C3orf49: variants seen among roughly 807,000 people sequenced by gnomAD.
The protein encoded by C3orf49 is putative uncharacterized protein C3orf49.
A neutral mutation model predicts 13.3 loss-of-function variants in C3orf49; 27 were observed. The ratio of observed to expected loss-of-function variants is 2.02; its 90% CI spans 1.49 to 2.79. The LOEUF (loss-of-function observed/expected upper bound fraction) is 2.79. Ranked by LOEUF, C3orf49 falls within the 30% of genes most tolerant of loss-of-function variation. The pLI is 0.00. For missense variants in C3orf49, 242 were observed against 134.2 expected (o/e 1.80, Z -3.97); for synonymous variants, 87 against 47.6 (o/e 1.83, Z -3.40).
chr3:63,836,267 G>A (rs1259810360), intron 5 of C3orf49: 5 of 1,601,750 alleles, frequency 3.1e-6, no homozygotes, highest in Admixed American at 3.4e-5. Flanking sequence ...ATGTATAAAG[G>A]TTAGTTCCTT....
At chr3:63,808,042 G>A in the C3orf49 span, among the ~76,000 whole-genome samples, 5 of 152,008 alleles carry the variant, frequency 3.3e-5, no homozygotes, top group South Asian at 2.1e-4. Flanking sequence ...CATAATGAAC[G>A]AACTTTCCGA....
At chr3:63,802,100 T>A in the C3orf49 span, among the ~76,000 whole-genome samples, 1 of 152,196 alleles carries the variant, frequency 6.6e-6, no homozygotes, top group Non-Finnish European at 1.5e-5. Flanking sequence ...CCAACCTGCC[T>A]ATGCAACCCC....
intron 1 of C3orf49, among the ~76,000 whole-genome samples, chr3:63,822,487 T>C (rs1701411469): frequency 6.6e-6 from 1 of 152,250 alleles, no homozygotes; most frequent in South Asian, 2.1e-4. Context: ...CAGGATCAGA[T>C]AATCTGGACA....
At chr3:63,846,446 T>C (rs756580707) in intron 6 of C3orf49, among the ~76,000 whole-genome samples, 4 of 152,194 alleles carry the variant, frequency 2.6e-5, no homozygotes, top group Non-Finnish European at 4.4e-5. Context: ...TCACTCTTGT[T>C]GCCCAGGCTG....
the C3orf49 span, among the ~76,000 whole-genome samples, chr3:63,805,394 G>A: frequency 1.3e-3 from 204 of 152,086 alleles, 2 homozygotes; most frequent in Middle Eastern, 0.021. Flanking sequence ...ATGTCTTAAA[G>A]ATCAGTTGAG....
At chr3:63,820,980 T>C (rs1406044600) in intron 1 of C3orf49, among the ~76,000 whole-genome samples, 1 of 152,208 alleles carries the variant, frequency 6.6e-6, no homozygotes, top group African/African-American at 2.4e-5. Context: ...ATTTTCCCCA[T>C]AAGTTAATGG....
At chr3:63,846,060 G>A (rs1470984865) in intron 6 of C3orf49, 1 of 267,250 alleles carries the variant, frequency 3.7e-6, no homozygotes, top group Non-Finnish European at 7.7e-6. Flanking sequence ...AAGATTCACT[G>A]TAAAGAGCTA....
At chr3:63,802,290 C>T in the C3orf49 span, among the ~76,000 whole-genome samples, 2 of 152,174 alleles carry the variant, frequency 1.3e-5, no homozygotes, top group Non-Finnish European at 2.9e-5. Flanking sequence ...CCTGACCAAT[C>T]GCCCTTCCTA....
At chr3:63,793,940 A>G in the C3orf49 span, among the ~76,000 whole-genome samples, 1 of 152,146 alleles carries the variant, frequency 6.6e-6, no homozygotes, top group Non-Finnish European at 1.5e-5. Flanking sequence ...CAATCGCTTG[A>G]GCCCAGGAGT....
At chr3:63,789,981 G>T in the C3orf49 span, among the ~76,000 whole-genome samples, 49 of 152,046 alleles carry the variant, frequency 3.2e-4, no homozygotes, top group Non-Finnish European at 5.9e-5. Context: ...ACCTGTAAAC[G>T]TCCACTGGAC....
chr3:63,833,230 G>A (rs1174011069), intron 5 of C3orf49, among the ~76,000 whole-genome samples: 1 of 151,920 alleles, frequency 6.6e-6, no homozygotes, highest in Non-Finnish European at 1.5e-5. Context: ...CTGAGTAGCT[G>A]GGATTATAGG....
chr3:63,782,773 A>G, the C3orf49 span: 1 of 152,248 alleles, frequency 6.6e-6, no homozygotes, highest in Non-Finnish European at 1.5e-5. Flanking sequence ...GCTAATCTCC[A>G]TACACAATAA....
chr3:63,835,237 A>G lies in C3orf49; in HGVS notation c.849+3393A>G, dbSNP rs1398680576. ...TCTCAATTCCAGCTGTGTTAACAAG[A>G]AAAAAATTTATACAAATGACCTGTA... On this transcript the variant is annotated intron_variant, in intron 5 of 6. Transcript: ENST00000295896. 6 of 1,613,414 alleles carry G rather than the reference A, an allele frequency of 3.7e-6. No individual in the cohort carries two copies. The Admixed American group carries it at 1.0e-4, about 27-fold the overall frequency.
the C3orf49 span, chr3:63,782,476 A>G: frequency 6.6e-6 from 1 of 152,208 alleles, no homozygotes; most frequent in African/African-American, 2.4e-5. Context: ...TGATGAGAAA[A>G]ATCTTTAGAT....
intron 2 of C3orf49, among the ~76,000 whole-genome samples, chr3:63,825,029 T>G (rs147359109): frequency 1.4e-3 from 210 of 152,294 alleles, no homozygotes; most frequent in Middle Eastern, 3.4e-3. Flanking sequence ...ATATTACTAT[T>G]ATTAACTGAA....
At chr3:63,828,299 TTG>T (rs1203325981) in intron 3 of C3orf49, among the ~76,000 whole-genome samples, 4 of 152,106 alleles carry the variant, frequency 2.6e-5, no homozygotes, top group Non-Finnish European at 5.9e-5. Flanking sequence ...TGGGTTTTGT[TTG>T]TGTGTTTGTT....
intron 6 of C3orf49, among the ~76,000 whole-genome samples, chr3:63,845,789 G>A (rs576886388): frequency 3.3e-5 from 5 of 152,154 alleles, no homozygotes; most frequent in African/African-American, 7.2e-5. Context: ...AAAGATCTGA[G>A]TACCCTCCCT....
chr3:63,801,520 C>A, the C3orf49 span, among the ~76,000 whole-genome samples: 1 of 152,096 alleles, frequency 6.6e-6, no homozygotes, highest in Admixed American at 6.5e-5. Context: ...AATCATCAAA[C>A]AAATAAATGA....
At chr3:63,785,427 C>G in the C3orf49 span, among the ~76,000 whole-genome samples, 1 of 152,048 alleles carries the variant, frequency 6.6e-6, no homozygotes, top group Non-Finnish European at 1.5e-5. Flanking sequence ...CCATCCTCAG[C>G]TTTCATAATA....
Sources: allele counts gnomAD v4.1 joint callset (sites outside exome capture counted in the v4.1 genomes callset), GRCh38; gene constraint gnomAD v4.1.1; transcripts MANE v1.5; gene names NCBI Gene and HGNC (gene_info 2026-07-23, HGNC 2026-07-21).